Variants in LPAR1 observed in about 807,000 individuals in gnomAD.
The protein encoded by LPAR1 is lysophosphatidic acid receptor 1, also known as LPA receptor 1.
A neutral mutation model predicts 23.8 loss-of-function variants in LPAR1; 5 were observed. The ratio of observed to expected loss-of-function variants is 0.21; its 90% confidence interval spans 0.11 to 0.44. LPAR1 has a LOEUF of 0.44. Among genes scored for constraint, LPAR1 ranks in the 20% least tolerant of loss-of-function variants. The pLI, the probability that LPAR1 is intolerant of heterozygous loss-of-function variation, is 0.99. For missense variants in LPAR1, 311 were observed against 482.8 expected (o/e 0.64, Z 3.33); for synonymous variants, 160 against 164.7 (o/e 0.97, Z 0.22).
intron 5 of LPAR1, among the ~76,000 whole-genome samples, chr9:110,897,259 T>C (rs1325279442): frequency 6.6e-6 from 1 of 152,166 alleles, no homozygotes; most frequent in Non-Finnish European, 1.5e-5. Context: ...GCTGTTCTCA[T>C]GATAGCAAAT....
chr9:110,950,643 GA>G (rs1049949607), intron 4 of LPAR1, among the ~76,000 whole-genome samples: 7 of 149,970 alleles, frequency 4.7e-5, no homozygotes, highest in East Asian at 2.0e-4. Flanking sequence ...AAAAATACCA[GA>G]AAAAAAAATT....
chr9:110,912,712 A>G (rs2092613213), intron 5 of LPAR1, among the ~76,000 whole-genome samples: 1 of 152,142 alleles, frequency 6.6e-6, no homozygotes, highest in African/African-American at 2.4e-5. Flanking sequence ...CAGCGTCTCC[A>G]TATTACAGTT....
rs1293993179 is a variant in LPAR1, at chr9:110,929,223, A to T, written c.793+12198T>A. 3.3e-5 allele frequency among the ~76,000 whole-genome samples: 5 copies of T among 152,210 alleles called. No individual in the cohort carries two copies. In the East Asian group the frequency reaches 9.6e-4, roughly 29 times the overall value. The stretch of plus-strand genomic sequence containing the variant: ...GCAGGAGCCCTGCCAGGGTTTAAGT[A>T]AAGCCATGACCACATTCAGTCTAGA... On this transcript the variant is annotated intron_variant, in intron 5 of 5. Transcript: ENST00000683809.
At chr9:110,920,641 T>C (rs1363797014) in intron 5 of LPAR1, among the ~76,000 whole-genome samples, 1 of 152,188 alleles carries the variant, frequency 6.6e-6, no homozygotes, top group Non-Finnish European at 1.5e-5. Flanking sequence ...GCACCAGCAT[T>C]GAAACTACAA....
intron 5 of LPAR1, among the ~76,000 whole-genome samples, chr9:110,885,321 C>G (rs1425162862): frequency 6.6e-6 from 1 of 151,996 alleles, no homozygotes; most frequent in African/African-American, 2.4e-5. Flanking sequence ...AATAGAGGAC[C>G]CTCTTAATTT....
At chr9:110,925,827 A>G (rs2093980268) in intron 5 of LPAR1, among the ~76,000 whole-genome samples, 1 of 152,176 alleles carries the variant, frequency 6.6e-6, no homozygotes, top group South Asian at 2.1e-4. Flanking sequence ...GGGAGACAGT[A>G]CTCTACCCAG....
At chr9:110,970,996 G>A (rs899358476) in intron 4 of LPAR1, among the ~76,000 whole-genome samples, 5 of 152,088 alleles carry the variant, frequency 3.3e-5, no homozygotes, top group Non-Finnish European at 4.4e-5. Context: ...TTAGCTGGGC[G>A]TGGTGGCGGG....
chr9:110,895,687 T>C (rs1248877214), intron 5 of LPAR1, among the ~76,000 whole-genome samples: 1 of 152,168 alleles, frequency 6.6e-6, no homozygotes, highest in Non-Finnish European at 1.5e-5. Flanking sequence ...TGTTCGGAGC[T>C]GGATGCACTC....
In LPAR1 at chr9:110,953,663, C is replaced by CA. The variant is rs35270504; in HGVS notation, c.46-11496dup. Among the ~76,000 whole-genome samples the CA allele has an allele frequency of 6.8e-3, 863 of 126,714 alleles. 5 individuals carry two copies. Among genetic ancestry groups the CA allele is most frequent in the African/African-American group, 0.012 (402 of 34,416 alleles). The allele number at this position is 126,714 out of a possible 152,430, so 83.1% of individuals were successfully genotyped here. A position where few individuals can be genotyped will look rare whatever the true frequency, so the allele number is the denominator to read the frequency against. On this transcript the variant is annotated intron_variant, in intron 4 of 5. Coordinates refer to ENST00000683809, the MANE Select transcript of LPAR1 (RefSeq NM_001351411.2). ...GGGCAACAAGAGTGAAACTTGGTCT[C>CA]AAAAAAAAAAAAAAAAATTACAGAC... is the stretch of plus-strand genomic sequence containing the variant.
intron 5 of LPAR1, among the ~76,000 whole-genome samples, chr9:110,929,698 ATGTGTGTGTGTGTGTGTGTGTGTGTGTG>A (rs71371696): frequency 1.4e-5 from 2 of 146,240 alleles, no homozygotes; most frequent in Non-Finnish European, 3.0e-5. Flanking sequence ...CCAGCCAATA[ATGTGTGTGTGTGTGTGTGTGTGTGTGTG>A]TGTGTGTGTG....
chr9:111,009,996 AAAATATATATATATATATATATAT>A (rs1292251307), intron 2 of LPAR1, among the ~76,000 whole-genome samples: 1 of 108,956 alleles, frequency 9.2e-6, no homozygotes, highest in Non-Finnish European at 1.7e-5. Flanking sequence ...CATAATTAGG[AAAATATATATATATATATATATAT>A]ATATATATAT....
intron 5 of LPAR1, among the ~76,000 whole-genome samples, chr9:110,914,516 A>C (rs1330828805): frequency 6.6e-6 from 1 of 152,234 alleles, no homozygotes; most frequent in Non-Finnish European, 1.5e-5. Flanking sequence ...CTCCCACAAC[A>C]CATGGGAATT....
intron 5 of LPAR1, among the ~76,000 whole-genome samples, chr9:110,927,562 A>G (rs2094130790): frequency 6.6e-6 from 1 of 152,168 alleles, no homozygotes; most frequent in African/African-American, 2.4e-5. Context: ...GGAAAAGTTA[A>G]GAAAAGTAGG....
At chr9:110,913,212 C>T (rs917276356) in intron 5 of LPAR1, among the ~76,000 whole-genome samples, 2 of 152,234 alleles carry the variant, frequency 1.3e-5, no homozygotes, top group East Asian at 1.9e-4. Context: ...TATGTATCTA[C>T]GTAGATACCT....
intron 4 of LPAR1, among the ~76,000 whole-genome samples, chr9:110,950,857 G>T (rs754568675): frequency 2.6e-4 from 39 of 152,098 alleles, no homozygotes; most frequent in Non-Finnish European, 1.9e-4. Context: ...TCCCAAAAGG[G>T]TTTCTCATGG....
At chr9:110,875,867 T>C in intron 5 of LPAR1, 145 bp from the exon 6 acceptor site, 1 of 467,904 alleles carries the variant, frequency 2.1e-6, no homozygotes, top group African/African-American at 2.0e-5. Flanking sequence ...AATGAAATAC[T>C]CATTTCCTGA....
intron 2 of LPAR1, among the ~76,000 whole-genome samples, chr9:111,019,447 C>T (rs1051653333): frequency 3.9e-5 from 6 of 152,008 alleles, no homozygotes; most frequent in Non-Finnish European, 7.4e-5. Context: ...GCCACTAAAA[C>T]GGGATGAAGA....
At chr9:111,015,911 A>G (rs924146653) in intron 2 of LPAR1, among the ~76,000 whole-genome samples, 6 of 151,710 alleles carry the variant, frequency 4.0e-5, no homozygotes, top group Non-Finnish European at 8.8e-5. Flanking sequence ...CATTGCCCCA[A>G]GGCCAGCCTC....
At chr9:110,878,059 C>G (rs1484570738) in intron 5 of LPAR1, among the ~76,000 whole-genome samples, 5 of 152,300 alleles carry the variant, frequency 3.3e-5, no homozygotes, top group Middle Eastern at 3.4e-3. Flanking sequence ...GACACAGGAG[C>G]TTCTATGTAT....
Sources: gnomAD v4.1 joint callset for allele counts (sites outside exome capture counted in the v4.1 genomes callset) on GRCh38, gnomAD v4.1.1 for gene constraint, MANE v1.5 for transcripts, NCBI Gene and HGNC (gene_info 2026-07-23, HGNC 2026-07-21) for gene names.